PMM2: variants seen among roughly 807,000 people sequenced by gnomAD.
PMM2 encodes the protein mannose-6-phosphate isomerase.
PMM2 carries 35 observed loss-of-function variants against 33.2 expected under a neutral mutation model. That is an observed-to-expected ratio of 1.06 (90% CI 0.81 to 1.40). The LOEUF (loss-of-function observed/expected upper bound fraction) is 1.40, where lower values mean the gene tolerates loss of function less well. Among genes scored for constraint, PMM2 ranks in the 40% most tolerant of loss-of-function variants. The probability of loss-of-function intolerance (pLI) is 0.00; values close to 1 mark genes in which losing one functional copy is unlikely to be tolerated. For missense variants in PMM2, 386 were observed against 306.0 expected (o/e 1.26, Z -1.95); for synonymous variants, 153 against 114.7 (o/e 1.33, Z -2.13).
chr16:8,806,294 C>T (rs767889671), intron 3 of PMM2, 22 bp from the exon 4 acceptor site: 6 of 1,470,798 alleles, frequency 4.1e-6, no homozygotes, highest in Non-Finnish European at 5.7e-6. Flanking sequence ...AATCAAGTAA[C>T]TCAAGTATTT....
intron 2 of PMM2, among the ~76,000 whole-genome samples, chr16:8,802,929 T>A (rs569497544): frequency 6.6e-6 from 1 of 152,264 alleles, no homozygotes; most frequent in South Asian, 2.1e-4. Flanking sequence ...CCAGCTCCTC[T>A]AGAGCAAGAT....
chr16:8,841,959 C>T (rs1464553144), intron 7 of PMM2, among the ~76,000 whole-genome samples: 1 of 150,852 alleles, frequency 6.6e-6, no homozygotes, highest in African/African-American at 2.4e-5. Context: ...GTGAGTTGAG[C>T]ATAGTTTGTG....
At chr16:8,809,074 A>G (rs1002917636) in intron 4 of PMM2, 1 of 152,248 alleles carries the variant, frequency 6.6e-6, no homozygotes, top group Non-Finnish European at 1.5e-5. Flanking sequence ...TTTGGAGGTA[A>G]CCAGAGCAAG....
chr16:8,807,044 G>A (rs2060651888), intron 4 of PMM2: 1 of 153,922 alleles, frequency 6.5e-6, no homozygotes, highest in African/African-American at 2.4e-5. Context: ...GCCGAGGCTG[G>A]AGTGCAGTGG....
intron 7 of PMM2, among the ~76,000 whole-genome samples, chr16:8,827,793 T>TAATATA (rs2060781166): frequency 1.8e-5 from 1 of 55,700 alleles, no homozygotes; most frequent in Admixed American, 1.9e-4. Context: ...TTTATATATA[T>TAATATA]TTATACATAT....
chr16:8,806,467 C>G (rs2060649014), intron 4 of PMM2, 60 bp downstream of exon 4: 1 of 975,590 alleles, frequency 1.0e-6, no homozygotes, highest in Non-Finnish European at 1.7e-6. Flanking sequence ...ACATGGTGGG[C>G]TAATGTGGGC....
intron 7 of PMM2, among the ~76,000 whole-genome samples, chr16:8,830,997 G>A (rs2060806277): frequency 1.3e-5 from 2 of 152,210 alleles, no homozygotes; most frequent in South Asian, 4.1e-4. Flanking sequence ...AAATTAGCCA[G>A]GTGTGGTGGT....
intron 7 of PMM2, among the ~76,000 whole-genome samples, chr16:8,833,598 G>A (rs1480337008): frequency 6.6e-6 from 1 of 151,650 alleles, no homozygotes; most frequent in Non-Finnish European, 1.5e-5. Context: ...GGGATTAGGG[G>A]CGGCGTGGGA....
intron 7 of PMM2, among the ~76,000 whole-genome samples, chr16:8,822,042 A>T (rs528197463): frequency 6.6e-6 from 1 of 152,350 alleles, no homozygotes; most frequent in South Asian, 2.1e-4. Context: ...ATTCACGCAG[A>T]GCTGGCTGTA....
intron 6 of PMM2, among the ~76,000 whole-genome samples, chr16:8,812,046 A>G (rs906043350): frequency 6.6e-6 from 1 of 152,200 alleles, no homozygotes; most frequent in Non-Finnish European, 1.5e-5. Context: ...GGCAGAAGAG[A>G]AGCACTATAG....
At chr16:8,843,421 C>G (rs1022662920) in intron 7 of PMM2, among the ~76,000 whole-genome samples, 8 of 152,148 alleles carry the variant, frequency 5.3e-5, no homozygotes. Context: ...CTGGGAGTGG[C>G]TGCCAGGTGA....
At chr16:8,829,999 G>A (rs560271732) in intron 7 of PMM2, among the ~76,000 whole-genome samples, 1 of 152,316 alleles carries the variant, frequency 6.6e-6, no homozygotes, top group African/African-American at 2.4e-5. Flanking sequence ...GCCCCATGAT[G>A]GGGCTACAGG....
intron 2 of PMM2, among the ~76,000 whole-genome samples, chr16:8,803,677 T>A (rs188043637): frequency 3.0e-4 from 45 of 152,276 alleles, no homozygotes; most frequent in Admixed American, 2.5e-3. Context: ...GAGCTTTTTT[T>A]AAAATTTATT....
chr16:8,841,975 T>G (rs1413090381), intron 7 of PMM2, among the ~76,000 whole-genome samples: 11 of 151,258 alleles, frequency 7.3e-5, no homozygotes, highest in Non-Finnish European at 8.9e-5. Context: ...TTGTGATTTT[T>G]ACGGCCTCTA....
intron 2 of PMM2, among the ~76,000 whole-genome samples, chr16:8,804,476 C>T (rs1057505267): frequency 3.9e-5 from 6 of 152,066 alleles, no homozygotes; most frequent in Non-Finnish European, 5.9e-5. Context: ...GCATCATGGA[C>T]GAGTATCTTC....
intron 7 of PMM2, among the ~76,000 whole-genome samples, chr16:8,844,955 T>C (rs2060915465): frequency 6.6e-6 from 1 of 152,164 alleles, no homozygotes; most frequent in African/African-American, 2.4e-5. Flanking sequence ...ATCTTTCTCA[T>C]GGAGCAAAGA....
intron 7 of PMM2, among the ~76,000 whole-genome samples, chr16:8,825,917 G>A (rs571003313): frequency 3.3e-5 from 5 of 151,994 alleles, no homozygotes; most frequent in East Asian, 3.9e-4. Flanking sequence ...CACCACGCCC[G>A]GCTAATTTTT....
chr16:8,811,827 T>C, intron 6 of PMM2, 114 bp downstream of exon 6: 1 of 776,958 alleles, frequency 1.3e-6, no homozygotes, highest in Admixed American at 1.9e-5. Flanking sequence ...GCAGGAAGAT[T>C]AAATGAGCAG....
At chr16:8,847,568 C>A (rs1330066772) in intron 7 of PMM2, 156 bp from the exon 8 acceptor site, 3 of 669,422 alleles carry the variant, frequency 4.5e-6, no homozygotes, top group Non-Finnish European at 5.4e-6. Flanking sequence ...ATTGTACTCA[C>A]GTTCCTCTCC....
Sources: gnomAD v4.1 joint callset for allele counts (sites outside exome capture counted in the v4.1 genomes callset) on GRCh38, gnomAD v4.1.1 for gene constraint, MANE v1.5 for transcripts, NCBI Gene and HGNC (gene_info 2026-07-23, HGNC 2026-07-21) for gene names.